RBM12: variants seen among roughly 807,000 people sequenced by gnomAD.
RBM12 encodes RNA binding motif protein 12, also known as RNA-binding protein 12.
A neutral mutation model predicts 37.2 loss-of-function variants in RBM12; 24 were observed. The ratio of observed to expected loss-of-function variants is 0.65; its 90% CI spans 0.47 to 0.91. The LOEUF is 0.91. Among genes scored for constraint, RBM12 ranks in the 40% least tolerant of loss-of-function variants. The probability of loss-of-function intolerance (pLI) is 0.00; values close to 1 mark genes in which losing one functional copy is unlikely to be tolerated. For missense variants in RBM12, 1,061 were observed against 1,183.2 expected, an observed-to-expected ratio of 0.90 and a Z score of 1.52; for synonymous variants, 420 against 425.2, an observed-to-expected ratio of 0.99 and a Z score of 0.15.
chr20:35,659,781 G>T (rs2034127087), intron 1 of RBM12, among the ~76,000 whole-genome samples: 1 of 152,140 alleles, frequency 6.6e-6, no homozygotes, highest in Non-Finnish European at 1.5e-5. Context: ...AACTGGTGAG[G>T]TTATTAACAA....
chr20:35,664,099 G>A (rs1298980590), intron 1 of RBM12, among the ~76,000 whole-genome samples: 1 of 151,668 alleles, frequency 6.6e-6, no homozygotes, highest in Admixed American at 6.6e-5. Context: ...AGCTTCAGAC[G>A]CCGGCTTCTC....
chr20:35,663,410 A>T (rs2034344189), intron 1 of RBM12, among the ~76,000 whole-genome samples: 1 of 152,154 alleles, frequency 6.6e-6, no homozygotes, highest in African/African-American at 2.4e-5. Context: ...CACCATTTCA[A>T]ACCATTCAAG....
rs778340730 is a variant in RBM12 at position 35,654,349 on chromosome 20, T to C, written c.974A>G (p.His325Arg). 3.7e-6 allele frequency: 6 copies of C among 1,614,166 alleles called. No homozygotes were observed. Among genetic ancestry groups the C allele is most frequent in the South Asian group, 2.2e-5 (2 of 91,090 alleles). ...AMENDVRDFF[H>R]GLRVDAVHLL... ...ATGCACTGCATCAACACGGAGCCCA[T>C]GAAAAAAATCTCTGACATCATTTTC... Residue 325 changes from histidine (H) to arginine (R), a missense_variant, in exon 3 of 3, where the codon CAT becomes CGT. His to Arg is a conservative substitution (Grantham distance 29, BLOSUM62 0). Around this residue, in one of 3 missense-constraint regions of RBM12, gnomAD observed 540 missense variants for 632.7 expected, o/e 0.85. Coordinates refer to ENST00000374114, the MANE Select transcript of RBM12 (RefSeq NM_006047.6).
At chr20:35,656,908 A>AT (rs1221229789) in intron 2 of RBM12, among the ~76,000 whole-genome samples, 2 of 149,060 alleles carry the variant, frequency 1.3e-5, no homozygotes, top group Non-Finnish European at 3.0e-5. Context: ...TCTCAAGAAT[A>AT]TTAGAAGGGG....
Position 35,654,557 on chromosome 20 carries a change from G to A in RBM12, c.766C>T (p.Pro256Ser), listed in dbSNP as rs775631163. ...PLNPPPVAPL[P>S]AGMNGSGAPM... ...GCTCCAGAGCCATTCATTCCAGCAG[G>A]TAGAGGTGCCACAGGTGGCGGATTC... The change falls in exon 3 of 3, where the codon CCT becomes TCT. Residue 256 changes from proline to serine, a missense_variant. Pro to Ser is a moderately conservative substitution (Grantham distance 74, BLOSUM62 -1). Around this residue, in one of 3 missense-constraint regions of RBM12, gnomAD observed 540 missense variants for 632.7 expected, o/e 0.85. Coordinates refer to ENST00000374114, the MANE Select transcript of RBM12 (RefSeq NM_006047.6). The A allele has an allele frequency of 6.2e-7, 1 of 1,614,214 alleles. No individual in the cohort carries two copies. The highest frequency in any genetic ancestry group is 1.7e-5 in the Admixed American group (1 of 60,034).
chr20:35,654,121 G>C lies in RBM12; in HGVS notation c.1202C>G (p.Thr401Ser), dbSNP rs371086600. The change falls in exon 3 of 3, where the codon ACT (threonine) becomes AGT (serine). Residue 401 changes from threonine (T) to serine (S), a missense_variant. By Grantham distance (58) the Thr-to-Ser change is moderately conservative. Transcript: ENST00000374114. ...FKQNMGPSGQ[T>S]HPPPQTLPRS... Reference sequence around the variant, plus strand: ...GGGAAGTGTCTGAGGAGGGGGATGAGTTTGTCCAGAAGGTCCCATATTTTG... The same window carrying C: ...GGGAAGTGTCTGAGGAGGGGGATGACTTTGTCCAGAAGGTCCCATATTTTG... 99 of 1,614,104 alleles carry C rather than the reference G, an allele frequency of 6.1e-5. No homozygotes were observed. The highest frequency in any genetic ancestry group is 7.8e-5 in the Non-Finnish European group (92 of 1,180,054).
Position 35,654,304 on chromosome 20 carries a change from C to T in RBM12, c.1019G>A (p.Gly340Asp). 3 of 1,614,182 alleles carry T rather than the reference C, an allele frequency of 1.9e-6. No homozygotes were observed. The highest frequency in any genetic ancestry group is 8.5e-7 in the Non-Finnish European group (1 of 1,180,036). The change falls in exon 3 of 3, where the codon GGT (glycine) becomes GAT (aspartate). Residue 340 changes from glycine to aspartate, a missense_variant. By Grantham distance (94) the Gly-to-Asp change is moderately conservative. Transcript: ENST00000374114. Reference protein sequence around the residue: ...DAVHLLKDHVGRNNGNGLVKF... With the variant: ...DAVHLLKDHVDRNNGNGLVKF... ...AACCAATCCATTCCCATTATTTCGA[C>T]CTACATGATCTTTCAACAAATGCAC... is the stretch of plus-strand genomic sequence containing the variant.
Position 35,652,393 on chromosome 20 carries a change from A to C in RBM12, c.*131T>G, listed in dbSNP as rs1167433739. The C allele has an allele frequency of 4.8e-6, 5 of 1,045,730 alleles. No homozygotes were observed. Among genetic ancestry groups the C allele is most frequent in the South Asian group, 3.2e-5 (2 of 63,318 alleles). The allele number at this position is 1,045,730 out of a possible 1,614,324, so 64.8% of individuals were successfully genotyped here. A position where few individuals can be genotyped will look rare whatever the true frequency, so the allele number is the denominator to read the frequency against. On this transcript the variant is annotated 3_prime_UTR_variant, in exon 3 of 3. Coordinates refer to ENST00000374114, the MANE Select transcript of RBM12 (RefSeq NM_006047.6). ...TCTGTAAACAGTCAACCAATGCTCT[A>C]TGTTATGGAAACCAAGCTATATGCA... is the stretch of plus-strand genomic sequence containing the variant.
chr20:35,653,759 G>A lies in RBM12; in HGVS notation c.1564C>T (p.Gln522Ter), dbSNP rs1280829361. Reference sequence around the variant, plus strand: ...TCCCTCTGGTCATAGCTGAAGTTCTGCAGTCTTTTTCGAATCATATCTATC... The same window carrying A: ...TCCCTCTGGTCATAGCTGAAGTTCTACAGTCTTTTTCGAATCATATCTATC... ...EKIDMIRKRL[Q>*]NFSYDQREMI... is the part of the protein sequence containing the mutation. The change falls in exon 3 of 3, where the codon CAG (glutamine) becomes TAG (stop). Residue 522 changes from glutamine (Q) to a stop codon, truncating the protein, a stop_gained. Transcript: ENST00000374114. LOFTEE classifies it high-confidence loss of function. 1 of 1,614,078 alleles carries A rather than the reference G, an allele frequency of 6.2e-7. No homozygotes were observed. Among genetic ancestry groups the A allele is most frequent in the East Asian group, 2.2e-5 (1 of 44,888 alleles).
intron 1 of RBM12, chr20:35,664,512 G>A (rs1468195779): frequency 1.3e-5 from 2 of 152,308 alleles, no homozygotes; most frequent in African/African-American, 2.4e-5. Flanking sequence ...TCAGACCACG[G>A]GGGAGTCCTC....
At chr20:35,663,990 T>G (rs1343290284) in intron 1 of RBM12, among the ~76,000 whole-genome samples, 2 of 152,182 alleles carry the variant, frequency 1.3e-5, no homozygotes, top group Admixed American at 1.3e-4. Context: ...AATGTGCTGC[T>G]CACAGCAGCC....
chr20:35,659,815 G>A (rs1194962059), intron 1 of RBM12, among the ~76,000 whole-genome samples: 2 of 152,024 alleles, frequency 1.3e-5, no homozygotes, highest in East Asian at 1.9e-4. Flanking sequence ...ATGACCAAAT[G>A]TCTAGACAAC....
At position 35,649,857 on chromosome 20, in the gene RBM12, T is replaced by C. The variant is rs1601460303; in HGVS notation, c.*2667A>G. The C allele has an allele frequency of 6.6e-6, 1 of 152,310 alleles. No homozygotes were observed. The highest frequency in any genetic ancestry group is 1.9e-4 in the East Asian group (1 of 5,190). 9.4% of individuals were successfully genotyped at this position (152,310 alleles called of 1,614,324 possible). ...GTCACCAAAAACAGACAATAAAATTTACACATAAAATTGAAAATATCATGA... is the reference window on the plus strand; with the variant it reads ...GTCACCAAAAACAGACAATAAAATTCACACATAAAATTGAAAATATCATGA... On this transcript the variant is annotated 3_prime_UTR_variant, in exon 3 of 3. Transcript: ENST00000374114.
At chr20:35,658,300 C>T (rs1226636387) in intron 2 of RBM12, among the ~76,000 whole-genome samples, 1 of 152,098 alleles carries the variant, frequency 6.6e-6, no homozygotes, top group Non-Finnish European at 1.5e-5. Flanking sequence ...ATATCAATAA[C>T]AAGCATCTGT....
At chr20:35,663,718 C>T (rs935663881) in intron 1 of RBM12, among the ~76,000 whole-genome samples, 9 of 152,136 alleles carry the variant, frequency 5.9e-5, no homozygotes, top group Admixed American at 3.9e-4. Context: ...AGATTTGTCA[C>T]TATAAAGCAC....
In RBM12 at chr20:35,652,411, T is replaced by TA; in HGVS notation, c.*112dup. On this transcript the variant is annotated 3_prime_UTR_variant, in exon 3 of 3. Coordinates refer to ENST00000374114, the MANE Select transcript of RBM12 (RefSeq NM_006047.6). ...ATGCTCTATGTTATGGAAACCAAGCTATATGCAATTGAAACAATCCACAGG... is the reference window on the plus strand; with the variant it reads ...ATGCTCTATGTTATGGAAACCAAGCTAATATGCAATTGAAACAATCCACAGG... 6 of 1,252,342 alleles carry TA rather than the reference T, an allele frequency of 4.8e-6. No homozygotes were observed. The highest frequency in any genetic ancestry group is 5.5e-6 in the Non-Finnish European group (5 of 905,176). 77.6% of individuals were successfully genotyped at this position (1,252,342 alleles called of 1,614,324 possible). A position where few individuals can be genotyped will look rare whatever the true frequency, so the allele number is the denominator to read the frequency against.
chr20:35,664,697 G>A (rs1476978137), intron 1 of RBM12, 63 bp downstream of exon 1: 1 of 152,366 alleles, frequency 6.6e-6, no homozygotes, highest in Non-Finnish European at 1.5e-5. Context: ...CCCGCCCCGG[G>A]CCACCAAGGG....
In RBM12 at chr20:35,652,291, T is replaced by C. The variant is rs2033578586; in HGVS notation, c.*233A>G. 1 of 460,666 alleles carries C rather than the reference T, an allele frequency of 2.2e-6. No homozygotes were observed. The highest frequency in any genetic ancestry group is 3.8e-6 in the Non-Finnish European group (1 of 261,592). 28.5% of individuals were successfully genotyped at this position (460,666 alleles called of 1,614,324 possible). On this transcript the variant is annotated 3_prime_UTR_variant, in exon 3 of 3. Coordinates refer to ENST00000374114, the MANE Select transcript of RBM12 (RefSeq NM_006047.6). ...TTTACAAATGGTTTCTCTAATGGTA[T>C]GCCAAAATCATTTATGTGTTCTCTC... is the stretch of plus-strand genomic sequence containing the variant.
rs200767497 is a variant in RBM12, at chr20:35,653,054, C to T, written c.2269G>A (p.Val757Ile). ...FGDARPGMPS[V>I]GNSGLPGLGL... is the part of the protein sequence containing the mutation. The stretch of plus-strand genomic sequence containing the variant: ...AGACCAGGCAAACCACTGTTTCCAA[C>T]TGAAGGCATACCAGGCCTAGCATCA... The change falls in exon 3 of 3, where the codon GTT becomes ATT. Residue 757 changes from valine to isoleucine, a missense_variant. Physicochemically the swap from Val to Ile is conservative, Grantham distance 29. This residue lies in a region of RBM12 where 517 missense variants were observed against 534.0 expected (regional missense o/e 0.97). Transcript: ENST00000374114. 67 of 1,613,966 alleles carry T rather than the reference C, an allele frequency of 4.2e-5. No individual in the cohort carries two copies. The Admixed American group carries it at 8.7e-4, about 21-fold the overall frequency.
Sources: allele counts gnomAD v4.1 joint callset (sites outside exome capture counted in the v4.1 genomes callset), GRCh38; gene constraint gnomAD v4.1.1; regional missense constraint gnomAD v4.1.1; transcripts MANE v1.5; gene names NCBI Gene and HGNC (gene_info 2026-07-23, HGNC 2026-07-21).